EMILIN2: variants seen among roughly 807,000 people sequenced by gnomAD.
EMILIN2 encodes elastin microfibril interfacer 2.
In EMILIN2, 71 loss-of-function variants were observed where a neutral mutation model predicts 87.1. That is an observed-to-expected ratio of 0.82 (90% CI 0.67 to 0.99). The LOEUF is 0.99. Ranked by LOEUF, EMILIN2 falls within the 50% of genes least tolerant of loss-of-function variation. EMILIN2 has a pLI of 0.00. For missense variants in EMILIN2, 1,407 were observed against 1,371.8 expected (o/e 1.03, Z -0.40); for synonymous variants, 581 against 563.4 (o/e 1.03, Z -0.44).
chr18:2,914,757 G>C lies in EMILIN2; in HGVS notation c.*1353G>C, dbSNP rs1269383207. On this transcript the variant is annotated 3_prime_UTR_variant, in exon 8 of 8. Coordinates refer to ENST00000254528, the MANE Select transcript of EMILIN2 (RefSeq NM_032048.3). ...TTGTTTGCAAATGAATTTACAGGGT[G>C]GCCACTGGACACTTCAGAGTTCCTT... The C allele has an allele frequency of 2.3e-5, 3 of 133,270 alleles. No individual in the cohort carries two copies. In the Admixed American group the frequency reaches 2.3e-4, roughly 10 times the overall value. 8.3% of individuals were successfully genotyped at this position (133,270 alleles called of 1,614,324 possible). A position where few individuals can be genotyped will look rare whatever the true frequency, so the allele number is the denominator to read the frequency against.
chr18:2,858,583 G>A (rs60679363), intron 2 of EMILIN2, among the ~76,000 whole-genome samples: 25,684 of 61,390 alleles, frequency 0.42, 6,337 homozygotes, highest in Non-Finnish European at 0.47. Flanking sequence ...GTGTGTGTGT[G>A]TATATATATA....
chr18:2,906,846 CG>C lies in EMILIN2; in HGVS notation c.2424del (p.Pro809ArgfsTer87). The C allele has an allele frequency of 7.4e-7, 1 of 1,345,540 alleles. No individual in the cohort carries two copies. The highest frequency in any genetic ancestry group is 1.9e-5 in the South Asian group (1 of 53,476). The allele number at this position is 1,345,540 out of a possible 1,614,324, so 83.4% of individuals were successfully genotyped here. On this transcript the variant is annotated frameshift_variant, in exon 5 of 8. Coordinates refer to ENST00000254528, the MANE Select transcript of EMILIN2 (RefSeq NM_032048.3). LOFTEE classifies it high-confidence loss of function. ...PKEPLQPEPAPPRPSGPATAE... is the reference protein window; with the variant it reads ...PKEPLQPEPAXPRPSGPATAE... Reference sequence around the variant, plus strand: ...GAGCCGCTGCAGCCCGAGCCCGCCCCGCCGAGGCCCAGCGGCCCCGCAACCG... The same window carrying C: ...GAGCCGCTGCAGCCCGAGCCCGCCCCCCGAGGCCCAGCGGCCCCGCAACCG...
rs2076954124 is a variant in EMILIN2 at position 2,913,870 on chromosome 18, A to G, written c.*466A>G. 1 of 159,368 alleles carries G rather than the reference A, an allele frequency of 6.3e-6. No individual in the cohort carries two copies. Among genetic ancestry groups the G allele is most frequent in the Non-Finnish European group, 1.4e-5 (1 of 72,064 alleles). 9.9% of individuals were successfully genotyped at this position (159,368 alleles called of 1,614,324 possible). A position where few individuals can be genotyped will look rare whatever the true frequency, so the allele number is the denominator to read the frequency against. ...GCCGAAGTGGCCCGTGCCGCCGCAC[A>G]GAGACCCCGACTTTAGTTTGGGCTG... On this transcript the variant is annotated 3_prime_UTR_variant, in exon 8 of 8. Coordinates refer to ENST00000254528, the MANE Select transcript of EMILIN2 (RefSeq NM_032048.3).
chr18:2,912,033 T>G (rs1345531357), intron 7 of EMILIN2, among the ~76,000 whole-genome samples: 1 of 2,078 alleles, frequency 4.8e-4, no homozygotes, highest in Non-Finnish European at 1.3e-3. Flanking sequence ...TGACAACCAC[T>G]TTTTTTTTTT....
upstream of EMILIN2, chr18:2,847,005 C>T: frequency 9.7e-7 from 1 of 1,035,878 alleles, no homozygotes; most frequent in Non-Finnish European, 1.2e-6. This position sits in a 1 kb window ranked among gnomAD's most constrained non-coding sequence, Gnocchi z 4.5. Flanking sequence ...CACGGGGCTG[C>T]AGAAGGAGAA....
intron 2 of EMILIN2, among the ~76,000 whole-genome samples, chr18:2,869,257 C>G (rs1471982024): frequency 6.8e-6 from 1 of 147,246 alleles, no homozygotes. Context: ...TTTAAAAATA[C>G]CTTAATGCAG....
intron 4 of EMILIN2, among the ~76,000 whole-genome samples, chr18:2,898,778 A>G (rs1376918704): frequency 1.3e-5 from 2 of 152,228 alleles, no homozygotes; most frequent in South Asian, 2.1e-4. Context: ...CCTGATGCCA[A>G]CATTCTGACC....
In EMILIN2 at chr18:2,906,416, G is replaced by A. The variant is rs532759638; in HGVS notation, c.2360-367G>A. On this transcript the variant is annotated intron_variant, in intron 4 of 7. Transcript: ENST00000254528. ...AGTGTGGTTCAGAGACGGTGCGGGGGTCGGTGGCCTCAGGTCCCTTTCAGT... is the reference window on the plus strand; with the variant it reads ...AGTGTGGTTCAGAGACGGTGCGGGGATCGGTGGCCTCAGGTCCCTTTCAGT... The A allele has an allele frequency of 2.3e-5, 4 of 171,296 alleles. No homozygotes were observed. In the East Asian group the frequency reaches 4.5e-4, roughly 19 times the overall value. The allele number at this position is 171,296 out of a possible 1,614,324, so 10.6% of individuals were successfully genotyped here. A position where few individuals can be genotyped will look rare whatever the true frequency, so the allele number is the denominator to read the frequency against.
intron 2 of EMILIN2, among the ~76,000 whole-genome samples, chr18:2,866,103 C>T (rs956551338): frequency 3.9e-5 from 6 of 152,236 alleles, no homozygotes; most frequent in African/African-American, 1.4e-4. Context: ...CAGGTGCTGT[C>T]TGTCACCCCT....
intron 2 of EMILIN2, among the ~76,000 whole-genome samples, chr18:2,865,815 C>T (rs1281481311): frequency 6.6e-6 from 1 of 152,210 alleles, no homozygotes; most frequent in Non-Finnish European, 1.5e-5. Context: ...GAGGTGCAGT[C>T]TACAGAGGCA....
rs760152452 is a variant in EMILIN2, at chr18:2,891,701, C to A, written c.1574C>A (p.Pro525Gln). The change falls in exon 4 of 8, where the codon CCA becomes CAA. Residue 525 changes from proline to glutamine, a missense_variant. By Grantham distance (76) the Pro-to-Gln change is moderately conservative. Coordinates refer to ENST00000254528, the MANE Select transcript of EMILIN2 (RefSeq NM_032048.3). The surrounding 1 kb of genome is among the most constrained non-coding windows in gnomAD (Gnocchi z 4.6). ...ELSPPGAAAL[P>Q]GVSGSGDERV... The stretch of plus-strand genomic sequence containing the variant: ...AGTCCCCCAGGGGCAGCAGCCCTGC[C>A]AGGAGTGTCAGGGTCAGGAGATGAA... 1.2e-6 allele frequency: 2 copies of A among 1,614,072 alleles called. No individual in the cohort carries two copies. The highest frequency in any genetic ancestry group is 1.7e-6 in the Non-Finnish European group (2 of 1,180,028).
At chr18:2,895,996 C>G (rs571584500) in intron 4 of EMILIN2, among the ~76,000 whole-genome samples, 1 of 152,142 alleles carries the variant, frequency 6.6e-6, no homozygotes, top group African/African-American at 2.4e-5. Context: ...CTTCACAGAT[C>G]CTGTTTCCTT....
intron 2 of EMILIN2, among the ~76,000 whole-genome samples, chr18:2,850,285 C>G (rs923136529): frequency 1.3e-5 from 2 of 151,716 alleles, no homozygotes; most frequent in African/African-American, 4.8e-5. Flanking sequence ...AAGGAAGGAG[C>G]CTTCTTTTTA....
chr18:2,877,816 T>C (rs868163609), intron 2 of EMILIN2, among the ~76,000 whole-genome samples: 1 of 151,804 alleles, frequency 6.6e-6, no homozygotes, highest in Non-Finnish European at 1.5e-5. Flanking sequence ...TCCACTGTCT[T>C]GCGAATTTCT....
chr18:2,882,871 G>A (rs2076783782), intron 2 of EMILIN2, among the ~76,000 whole-genome samples: 1 of 123,530 alleles, frequency 8.1e-6, no homozygotes. Flanking sequence ...CAACGAGAGT[G>A]AAACATCATC....
Position 2,891,881 on chromosome 18 carries a change from C to T in EMILIN2, c.1754C>T (p.Ser585Phe). Residue 585 changes from serine to phenylalanine, a missense_variant, in exon 4 of 8, where the codon TCT becomes TTT. Coordinates refer to ENST00000254528, the MANE Select transcript of EMILIN2 (RefSeq NM_032048.3). This position sits in a 1 kb window ranked among gnomAD's most constrained non-coding sequence, Gnocchi z 4.6. ...AVRDSLHLLKSLNDTMHRKFQ... is the reference protein window; with the variant it reads ...AVRDSLHLLKFLNDTMHRKFQ... The stretch of plus-strand genomic sequence containing the variant: ...CGCGACAGCCTGCACCTTTTGAAAT[C>T]TCTCAACGACACGATGCACAGGAAG... The T allele has an allele frequency of 6.2e-7, 1 of 1,614,264 alleles. No homozygotes were observed. The highest frequency in any genetic ancestry group is 8.5e-7 in the Non-Finnish European group (1 of 1,180,044).
At chr18:2,864,966 TTGATCTTCCATCAC>T (rs1429790907) in intron 2 of EMILIN2, among the ~76,000 whole-genome samples, 1 of 152,238 alleles carries the variant, frequency 6.6e-6, no homozygotes, top group African/African-American at 2.4e-5. Context: ...TTTCATTCAT[TTGATCTTCCATCAC>T]TGATACCCTT....
Position 2,848,056 on chromosome 18 carries a change from C to T in EMILIN2, c.257+125C>T, listed in dbSNP as rs2076585024. 2 of 1,279,812 alleles carry T rather than the reference C, an allele frequency of 1.6e-6. No individual in the cohort carries two copies. Among genetic ancestry groups the T allele is most frequent in the Non-Finnish European group, 2.1e-6 (2 of 962,674 alleles). The allele number at this position is 1,279,812 out of a possible 1,614,324, so 79.3% of individuals were successfully genotyped here. On this transcript the variant is annotated intron_variant, in intron 2 of 7. Coordinates refer to ENST00000254528, the MANE Select transcript of EMILIN2 (RefSeq NM_032048.3). The surrounding 1 kb of genome is among the most constrained non-coding windows in gnomAD (Gnocchi z 4.1). ...CCTTCCAGATCCGGTGAAAAGCCCG[C>T]AGCGGAAAAGCGCTCCGAGCGCTCG... is the stretch of plus-strand genomic sequence containing the variant.
chr18:2,865,595 C>A (rs1460566311), intron 2 of EMILIN2, among the ~76,000 whole-genome samples: 3 of 152,172 alleles, frequency 2.0e-5, no homozygotes, highest in African/African-American at 7.2e-5. Flanking sequence ...GAGCACCTGG[C>A]CATGTGAGGT....
Sources: allele counts gnomAD v4.1 joint callset (sites outside exome capture counted in the v4.1 genomes callset), GRCh38; gene constraint gnomAD v4.1.1; non-coding constraint Gnocchi (gnomAD v3.1); transcripts MANE v1.5; gene names NCBI Gene and HGNC (gene_info 2026-07-23, HGNC 2026-07-21).